Variants in GPATCH3 observed in about 807,000 individuals in gnomAD.
GPATCH3 encodes G-patch domain containing 3, also known as G patch domain-containing protein 3.
Under a neutral mutation model 53.2 loss-of-function variants are expected in GPATCH3, and 45 were observed. The observed-to-expected ratio is 0.85, with a 90% CI of 0.67 to 1.08. GPATCH3 has a LOEUF of 1.08. Ranked by LOEUF, GPATCH3 falls within the 50% of genes least tolerant of loss-of-function variation. The pLI, the probability that GPATCH3 is intolerant of heterozygous loss-of-function variation, is 0.00. For missense variants in GPATCH3, 680 were observed against 687.2 expected, an observed-to-expected ratio of 0.99 and a Z score of 0.12; for synonymous variants, 280 against 270.6, an observed-to-expected ratio of 1.03 and a Z score of -0.34.
In GPATCH3 at chr1:26,896,594, G is replaced by C. The variant is rs577537866; in HGVS notation, c.876+707C>G. Among the ~76,000 whole-genome samples the C allele has an allele frequency of 2.0e-5, 3 of 151,332 alleles. No individual in the cohort carries two copies. The South Asian group carries it at 6.2e-4, about 32-fold the overall frequency. ...ACATGCCTGAAGTCCCAGCTTACTCGGGAGGCTGAGGCAGGAGAATCACTT... is the reference window on the plus strand; with the variant it reads ...ACATGCCTGAAGTCCCAGCTTACTCCGGAGGCTGAGGCAGGAGAATCACTT... On this transcript the variant is annotated intron_variant, in intron 2 of 6. Coordinates refer to ENST00000361720, the MANE Select transcript of GPATCH3 (RefSeq NM_022078.3).
At chr1:26,899,868 G>T in intron 1 of GPATCH3, 124 bp downstream of exon 1, 1 of 836,086 alleles carries the variant, frequency 1.2e-6, no homozygotes. Flanking sequence ...CTGAAGCTCT[G>T]TCTAGAATAT....
rs1152982 is a variant in GPATCH3 at position 26,891,719 on chromosome 1, T to A, written c.1362-493A>T. ...ATGCCACCATGCCCAGCTAATTTTT[T>A]TTTTTTGTGACAGAGTCTTGCTCTG... On this transcript the variant is annotated intron_variant, in intron 6 of 6. Transcript: ENST00000361720. 7.4e-3 allele frequency among the ~76,000 whole-genome samples: 1,119 copies of A among 151,806 alleles called. 10 individuals are homozygous for A. The highest frequency in any genetic ancestry group is 0.026 in the African/African-American group (1,067 of 41,386).
Position 26,892,740 on chromosome 1 carries a change from C to T in GPATCH3, c.1163G>A (p.Arg388Lys). 1 of 1,614,208 alleles carries T rather than the reference C, an allele frequency of 6.2e-7. No homozygotes were observed. Among genetic ancestry groups the T allele is most frequent in the Non-Finnish European group, 8.5e-7 (1 of 1,180,032 alleles). The change falls in exon 5 of 7, where the codon AGA (arginine) becomes AAA (lysine). Residue 388 changes from arginine (R) to lysine (K), a missense_variant. Transcript: ENST00000361720. ...RDSVQMRLEQRLRDGQEDGSV... is the reference protein window; with the variant it reads ...RDSVQMRLEQKLRDGQEDGSV... ...GCCATCTTCCTGTCCATCTCGGAGT[C>T]TCTGTTCCAGACGCATTTGGACAGA...
Position 26,892,794 on chromosome 1 carries a change from G to A in GPATCH3, c.1112-3C>T. ...TCGGGCATCCTTGTCTCCACCATCT[G>A]AGGAAACAGAGCTCAGTTTATGGAA... On this transcript the variant is annotated splice_polypyrimidine_tract_variant and splice_region_variant and intron_variant, in intron 4 of 6. Transcript: ENST00000361720. 1 of 1,613,634 alleles carries A rather than the reference G, an allele frequency of 6.2e-7. No individual in the cohort carries two copies. Among genetic ancestry groups the A allele is most frequent in the Non-Finnish European group, 8.5e-7 (1 of 1,179,612 alleles).
rs750482940 is a variant in GPATCH3, at chr1:26,899,991, C to T, written c.451+1G>A. 1.7e-5 allele frequency: 27 copies of T among 1,613,968 alleles called. No individual in the cohort carries two copies. In the South Asian group the frequency reaches 2.7e-4, roughly 16 times the overall value. ...CAGTCTATTAACTTTCTCACTCTTACCTGATGCCTCCGTAGGTAGCCGAAG... is the reference window on the plus strand; with the variant it reads ...CAGTCTATTAACTTTCTCACTCTTATCTGATGCCTCCGTAGGTAGCCGAAG... On this transcript the variant is annotated splice_donor_variant, in intron 1 of 6. Transcript: ENST00000361720. LOFTEE classifies it high-confidence loss of function.
Position 26,890,768 on chromosome 1 carries a change from T to C in GPATCH3, c.*242A>G. 1 of 729,500 alleles carries C rather than the reference T, an allele frequency of 1.4e-6. No individual in the cohort carries two copies. Among genetic ancestry groups the C allele is most frequent in the Non-Finnish European group, 2.6e-6 (1 of 388,538 alleles). 45.2% of individuals were successfully genotyped at this position (729,500 alleles called of 1,614,324 possible). ...AGGAGGCAAAGGGCAAGCCCAGAGA[T>C]TAGGGTTAGAGACCAAAGACAAGCG... On this transcript the variant is annotated 3_prime_UTR_variant, in exon 7 of 7. Coordinates refer to ENST00000361720, the MANE Select transcript of GPATCH3 (RefSeq NM_022078.3).
At chr1:26,899,888 T>C in intron 1 of GPATCH3, 104 bp downstream of exon 1, 1 of 1,003,800 alleles carries the variant, frequency 1.0e-6, no homozygotes, top group African/African-American at 1.6e-5. Flanking sequence ...TGAACTAAAC[T>C]CATAGAGTCC....
intron 6 of GPATCH3, among the ~76,000 whole-genome samples, 173 bp downstream of exon 6, chr1:26,892,238 G>C (rs995320201): frequency 6.6e-6 from 1 of 152,194 alleles, no homozygotes; most frequent in Non-Finnish European, 1.5e-5. Flanking sequence ...CAAAGCGCTA[G>C]GATTACAGGC....
Position 26,900,004 on chromosome 1 carries a change from T to C in GPATCH3, c.439A>G (p.Thr147Ala). 2 of 1,614,038 alleles carry C rather than the reference T, an allele frequency of 1.2e-6. No homozygotes were observed. The highest frequency in any genetic ancestry group is 2.2e-5 in the South Asian group (2 of 91,080). ...TTCTCACTCTTACCTGATGCCTCCG[T>C]AGGTAGCCGAAGTCTGCGGATGAGA... ...RCLIRRLRLP[T>A]EASGLGSFPF... Residue 147 changes from threonine to alanine, a missense_variant, in exon 1 of 7, where the codon ACG becomes GCG. By Grantham distance (58) the Thr-to-Ala change is moderately conservative (BLOSUM62 0). Coordinates refer to ENST00000361720, the MANE Select transcript of GPATCH3 (RefSeq NM_022078.3).
chr1:26,892,782 T>C lies in GPATCH3; in HGVS notation c.1121A>G (p.Asp374Gly). ...TTGGACAGAGTCTCGGGCATCCTTGTCTCCACCATCTGAGGAAACAGAGCT... is the reference window on the plus strand; with the variant it reads ...TTGGACAGAGTCTCGGGCATCCTTGCCTCCACCATCTGAGGAAACAGAGCT... ...MSVYYDRDGG[D>G]KDARDSVQMR... Residue 374 changes from aspartate (D) to glycine (G), a missense_variant, in exon 5 of 7, where the codon GAC (aspartate) becomes GGC (glycine). Physicochemically the swap from Asp to Gly is moderately conservative, Grantham distance 94. Coordinates refer to ENST00000361720, the MANE Select transcript of GPATCH3 (RefSeq NM_022078.3). 1 of 1,613,796 alleles carries C rather than the reference T, an allele frequency of 6.2e-7. No individual in the cohort carries two copies.
Position 26,891,028 on chromosome 1 carries a change from G to A in GPATCH3, c.1560C>T (p.Ser520=). The A allele has an allele frequency of 1.9e-6, 3 of 1,614,000 alleles. No individual in the cohort carries two copies. Among genetic ancestry groups the A allele is most frequent in the Non-Finnish European group, 2.5e-6 (3 of 1,179,916 alleles). Residue 520 remains serine, a synonymous_variant, in exon 7 of 7, where the codon AGC becomes AGT. Transcript: ENST00000361720. ...AACCCGGTCAGTCAGGCAATGAGGG[G>A]CTGTCTGAAGCACAACTGGAACCCC... ...FVRGSSCASD[S]PSLPD is the part of the protein sequence containing the mutation.
chr1:26,890,991 A>G lies in GPATCH3; in HGVS notation c.*19T>C, dbSNP rs746698081. ...GAGGGTTTTCATCATGTAGCTATGA[A>G]AGGAAGCCCCCAACCCGGTCAGTCA... On this transcript the variant is annotated 3_prime_UTR_variant, in exon 7 of 7. Coordinates refer to ENST00000361720, the MANE Select transcript of GPATCH3 (RefSeq NM_022078.3). 6.2e-7 allele frequency: 1 copy of G among 1,608,858 alleles called. No individual in the cohort carries two copies. The highest frequency in any genetic ancestry group is 1.1e-5 in the South Asian group (1 of 90,912).
At chr1:26,895,606 G>A (rs1570700298) in intron 2 of GPATCH3, among the ~76,000 whole-genome samples, 2 of 151,096 alleles carry the variant, frequency 1.3e-5, no homozygotes, top group African/African-American at 4.9e-5. Flanking sequence ...CCACACTAGG[G>A]ATGTGGTCCA....
In GPATCH3 at chr1:26,891,219, C is replaced by T; in HGVS notation, c.1369G>A (p.Gly457Arg). 6.2e-7 allele frequency: 1 copy of T among 1,611,968 alleles called. No homozygotes were observed. The highest frequency in any genetic ancestry group is 8.5e-7 in the Non-Finnish European group (1 of 1,178,704). ...TGCCCAAATGGCTGTAGCTTCTCTC[C>T]ATGGTACCTGGATAAAAACGGGCTC... ...PRCKRGLGYH[G>R]EKLQPFGQLK... Residue 457 changes from glycine to arginine, a missense_variant, in exon 7 of 7, where the codon GGA becomes AGA. By Grantham distance (125) the Gly-to-Arg change is moderately radical (BLOSUM62 -2). Coordinates refer to ENST00000361720, the MANE Select transcript of GPATCH3 (RefSeq NM_022078.3).
Position 26,890,707 on chromosome 1 carries a change from G to A in GPATCH3, c.*303C>T. The A allele has an allele frequency of 1.8e-6, 1 of 556,580 alleles. No individual in the cohort carries two copies. Among genetic ancestry groups the A allele is most frequent in the East Asian group, 3.9e-5 (1 of 25,446 alleles). 34.5% of individuals were successfully genotyped at this position (556,580 alleles called of 1,614,324 possible). ...CAGAGTCCCCAAGGAAGGCTGTGCTGATAGCCTCACTCAACCCAGCTTTTC... is the reference window on the plus strand; with the variant it reads ...CAGAGTCCCCAAGGAAGGCTGTGCTAATAGCCTCACTCAACCCAGCTTTTC... On this transcript the variant is annotated 3_prime_UTR_variant, in exon 7 of 7. Transcript: ENST00000361720.
rs756273787 is a variant in GPATCH3, at chr1:26,892,682, C to T, written c.1221G>A (p.Glu407=). ...AGTGCTAACTCACCTTGGTGTGGCG[C>T]TCAAAGGTGCCCACCTGGCGTTCGA... ...SVIERQVGTF[E]RHTKGIGRKV... is the part of the protein sequence containing the mutation. The change falls in exon 5 of 7, where the codon GAG becomes GAA. Residue 407 remains glutamate, a synonymous_variant. Transcript: ENST00000361720. The T allele has an allele frequency of 1.9e-6, 3 of 1,613,990 alleles. No individual in the cohort carries two copies. Among genetic ancestry groups the T allele is most frequent in the Admixed American group, 3.3e-5 (2 of 59,998 alleles).
intron 6 of GPATCH3, among the ~76,000 whole-genome samples, chr1:26,892,134 C>T (rs187436627): frequency 2.0e-5 from 3 of 152,200 alleles, no homozygotes; most frequent in Admixed American, 6.5e-5. Flanking sequence ...TGAGCTACCA[C>T]GCCCGGACTT....
At chr1:26,893,528 G>GGTTT in intron 3 of GPATCH3, 80 bp from the exon 4 acceptor site, 1 of 774,844 alleles carries the variant, frequency 1.3e-6, no homozygotes, top group Non-Finnish European at 2.0e-6. Flanking sequence ...AGTTTTTTTG[G>GGTTT]CTTTTTTTTT....
At chr1:26,895,592 G>A (rs2081947601) in intron 2 of GPATCH3, among the ~76,000 whole-genome samples, 2 of 150,606 alleles carry the variant, frequency 1.3e-5, no homozygotes, top group African/African-American at 4.9e-5. Flanking sequence ...AAGTCAGGAT[G>A]GTACCACACT....
Sources: gnomAD v4.1 joint callset for allele counts (sites outside exome capture counted in the v4.1 genomes callset) on GRCh38, gnomAD v4.1.1 for gene constraint, MANE v1.5 for transcripts, NCBI Gene and HGNC (gene_info 2026-07-23, HGNC 2026-07-21) for gene names.